Variants in USP25 observed in about 807,000 individuals in gnomAD.
USP25 encodes ubiquitin specific peptidase 25, also known as ubiquitin carboxyl-terminal hydrolase 25.
Under a neutral mutation model 158.5 loss-of-function variants are expected in USP25, and 85 were observed. The ratio of observed to expected loss-of-function variants is 0.54; its 90% CI spans 0.45 to 0.64. The LOEUF (loss-of-function observed/expected upper bound fraction) is 0.64. Among genes scored for constraint, USP25 ranks in the 30% least tolerant of loss-of-function variants. The pLI, the probability that USP25 is intolerant of heterozygous loss-of-function variation, is 0.00. For missense variants in USP25, 1,242 were observed against 1,327.3 expected (o/e 0.94, Z 1.00); for synonymous variants, 464 against 460.4 (o/e 1.01, Z -0.10).
chr21:15,804,381 A>C (rs182178442), intron 6 of USP25, among the ~76,000 whole-genome samples: 58 of 151,490 alleles, frequency 3.8e-4, no homozygotes, highest in African/African-American at 1.4e-3. Context: ...TAAATTAATA[A>C]AATTAAATAA....
intron 5 of USP25, among the ~76,000 whole-genome samples, chr21:15,794,567 T>A (rs1049650675): frequency 3.3e-5 from 5 of 151,618 alleles, no homozygotes; most frequent in African/African-American, 1.2e-4. Flanking sequence ...CTCATGATGA[T>A]CCTTAGCCCC....
intron 1 of USP25, 136 bp downstream of exon 1, chr21:15,730,574 A>G (rs113993764): frequency 0.093 from 99,520 of 1,072,526 alleles, 4,987 homozygotes; most frequent in African/African-American, 0.16. Context: ...GCCCCTGCCC[A>G]TCGCCTCGGG....
At chr21:15,771,052 A>G (rs535263167) in intron 3 of USP25, among the ~76,000 whole-genome samples, 3 of 152,192 alleles carry the variant, frequency 2.0e-5, no homozygotes, top group Non-Finnish European at 2.9e-5. Flanking sequence ...ATGACTCACC[A>G]GTTTTTATCT....
intron 3 of USP25, among the ~76,000 whole-genome samples, chr21:15,769,522 C>A (rs1278192389): frequency 6.6e-6 from 1 of 152,038 alleles, no homozygotes; most frequent in African/African-American, 2.4e-5. Flanking sequence ...TGCCTGTTGT[C>A]CCTGGCTTAA....
chr21:15,757,318 T>G (rs2033444051), intron 1 of USP25, among the ~76,000 whole-genome samples: 1 of 152,210 alleles, frequency 6.6e-6, no homozygotes, highest in Non-Finnish European at 1.5e-5. Flanking sequence ...TTTTGTTTTC[T>G]TTTCCACCTG....
chr21:15,809,882 TGAAA>T (rs1417131496), intron 8 of USP25, among the ~76,000 whole-genome samples: 1 of 152,006 alleles, frequency 6.6e-6, no homozygotes, highest in Non-Finnish European at 1.5e-5. Flanking sequence ...TTATGCCACG[TGAAA>T]GAAGCCAGTC....
chr21:15,851,641 C>T (rs1460424066), intron 20 of USP25, among the ~76,000 whole-genome samples: 1 of 151,938 alleles, frequency 6.6e-6, no homozygotes, highest in African/African-American at 2.4e-5. Context: ...TTTCCCTTAA[C>T]TTTTGTTTTC....
At chr21:15,842,917 T>C (rs2038408127) in intron 18 of USP25, among the ~76,000 whole-genome samples, 2 of 152,172 alleles carry the variant, frequency 1.3e-5, no homozygotes, top group South Asian at 2.1e-4. Flanking sequence ...ATTTAAGACC[T>C]AATTGTCATA....
rs1041928032 is a variant in USP25, at chr21:15,839,572, A to G, written c.2195-2826A>G. Among the ~76,000 whole-genome samples, 7 of 152,198 alleles carry G rather than the reference A, an allele frequency of 4.6e-5. No homozygotes were observed. The South Asian group carries it at 1.0e-3, about 23-fold the overall frequency. On this transcript the variant is annotated intron_variant, in intron 17 of 25. Coordinates refer to ENST00000400183, the MANE Select transcript of USP25 (RefSeq NM_001283041.3). ...TGGAAATAATGTATCAGAAATATTA[A>G]TAGTGCTTATCTCTGAGTAATGCAA...
intron 20 of USP25, among the ~76,000 whole-genome samples, chr21:15,858,973 A>G (rs1480449918): frequency 6.6e-6 from 1 of 151,780 alleles, no homozygotes; most frequent in Non-Finnish European, 1.5e-5. Context: ...GTTTAAAAAA[A>G]TTATTGTAAA....
intron 1 of USP25, among the ~76,000 whole-genome samples, chr21:15,758,764 G>C (rs1331782012): frequency 6.6e-6 from 1 of 152,124 alleles, no homozygotes; most frequent in East Asian, 1.9e-4. Context: ...CATGGTGGCA[G>C]GCAAGAGAGC....
At chr21:15,874,568 A>G in intron 24 of USP25, 42 bp downstream of exon 24, 1 of 1,536,786 alleles carries the variant, frequency 6.5e-7, no homozygotes. Flanking sequence ...ATTTTGTCTG[A>G]CATTGGGCAA....
At chr21:15,812,056 C>T (rs2146298131) in intron 9 of USP25, among the ~76,000 whole-genome samples, 1 of 151,880 alleles carries the variant, frequency 6.6e-6, no homozygotes, top group South Asian at 2.1e-4. Context: ...GTCTTAGTGA[C>T]ATGTTCGTAC....
chr21:15,775,888 A>G (rs895551375), intron 3 of USP25, among the ~76,000 whole-genome samples: 3 of 151,934 alleles, frequency 2.0e-5, no homozygotes, highest in Non-Finnish European at 4.4e-5. Context: ...TTTAGTTTCT[A>G]TAATTGAAGA....
At chr21:15,827,576 C>G (rs766104449) in intron 14 of USP25, among the ~76,000 whole-genome samples, 1 of 152,038 alleles carries the variant, frequency 6.6e-6, no homozygotes, top group East Asian at 1.9e-4. Flanking sequence ...CAGGGAGTTC[C>G]GGTGATTAAA....
intron 1 of USP25, among the ~76,000 whole-genome samples, chr21:15,762,535 G>T (rs1218987271): frequency 6.6e-6 from 1 of 152,082 alleles, no homozygotes; most frequent in Non-Finnish European, 1.5e-5. Context: ...TTCCAAAGGT[G>T]TTTCTCTCCT....
At chr21:15,832,822 T>G (rs1050506059) in intron 16 of USP25, among the ~76,000 whole-genome samples, 1 of 151,972 alleles carries the variant, frequency 6.6e-6, no homozygotes, top group Non-Finnish European at 1.5e-5. Flanking sequence ...ATCGAGACCA[T>G]CCTGGCTAAC....
At chr21:15,764,457 G>A (rs946854921) in intron 2 of USP25, among the ~76,000 whole-genome samples, 12 of 151,932 alleles carry the variant, frequency 7.9e-5, no homozygotes, top group Admixed American at 2.0e-4. Context: ...TAGGGGAAAA[G>A]AGTGTATTTA....
At chr21:15,750,217 T>A (rs1428236042) in intron 1 of USP25, among the ~76,000 whole-genome samples, 21 of 102,964 alleles carry the variant, frequency 2.0e-4, no homozygotes, top group African/African-American at 9.7e-4. Context: ...TGTGTATGTT[T>A]TTTTTTTTTT....
Sources: gnomAD v4.1 joint callset for allele counts (sites outside exome capture counted in the v4.1 genomes callset) on GRCh38, gnomAD v4.1.1 for gene constraint, MANE v1.5 for transcripts, NCBI Gene and HGNC (gene_info 2026-07-23, HGNC 2026-07-21) for gene names.